The following MARCHF1 variants were observed in gnomAD, a reference collection of about 807,000 sequenced individuals.
The protein encoded by MARCHF1 is membrane associated ring-CH-type finger 1, also known as E3 ubiquitin-protein ligase MARCHF1.
In MARCHF1, 40 loss-of-function variants were observed where a neutral mutation model predicts 54.2. The ratio of observed to expected loss-of-function variants is 0.74; its 90% CI spans 0.57 to 0.96. The LOEUF is 0.96. MARCHF1 is among the 40% of genes least tolerant of loss of function. The pLI is 0.00. For missense variants in MARCHF1, 586 were observed against 656.5 expected (o/e 0.89, Z 1.17); for synonymous variants, 236 against 236.3 (o/e 1.00, Z 0.01).
At position 164,304,592 on chromosome 4, in the gene MARCHF1, G is replaced by A. The variant is rs1310611959; in HGVS notation, c.-323+79278C>T. Among the ~76,000 whole-genome samples, 3 of 152,270 alleles carry A rather than the reference G, an allele frequency of 2.0e-5. No individual in the cohort carries two copies. In the East Asian group the frequency reaches 5.8e-4, roughly 29 times the overall value. On this transcript the variant is annotated intron_variant, in intron 1 of 9. Transcript: ENST00000514618. The stretch of plus-strand genomic sequence containing the variant: ...GTACCTAGCCCGAATTTCAAGTGTT[G>A]AGTTGCTCTGGCAGAAATACCTTAT...
At chr4:163,976,680 A>G (rs1268845741) in intron 3 of MARCHF1, among the ~76,000 whole-genome samples, 3 of 152,160 alleles carry the variant, frequency 2.0e-5, no homozygotes, top group Non-Finnish European at 4.4e-5. Context: ...CATTTAGAAC[A>G]ATGAGTCCCA....
intron 1 of MARCHF1, among the ~76,000 whole-genome samples, chr4:164,212,545 G>A (rs1312825211): frequency 6.6e-6 from 1 of 152,078 alleles, no homozygotes; most frequent in East Asian, 1.9e-4. Context: ...AGATGTGTTT[G>A]TTTCAACATT....
chr4:164,259,414 T>G (rs1382674047), intron 1 of MARCHF1, among the ~76,000 whole-genome samples: 2 of 150,966 alleles, frequency 1.3e-5, no homozygotes. Flanking sequence ...GGTAGTGGTG[T>G]GCACCTGTAA....
At chr4:163,671,863 G>A (rs1327519462) in intron 5 of MARCHF1, among the ~76,000 whole-genome samples, 1 of 151,896 alleles carries the variant, frequency 6.6e-6, no homozygotes, top group Non-Finnish European at 1.5e-5. Context: ...AAGAGAACAG[G>A]AAGTATGTTC....
At chr4:163,548,982 C>T (rs113191287) in intron 8 of MARCHF1, among the ~76,000 whole-genome samples, 5 of 152,314 alleles carry the variant, frequency 3.3e-5, no homozygotes, top group African/African-American at 1.2e-4. Context: ...CATTTCTGCT[C>T]CCCTGTCCTG....
chr4:163,767,098 T>TAAAAAAAAA (rs530799338), intron 4 of MARCHF1, among the ~76,000 whole-genome samples: 40 of 106,678 alleles, frequency 3.7e-4, no homozygotes, highest in East Asian at 8.3e-4. Flanking sequence ...TACGGCGATG[T>TAAAAAAAAA]AAAAAAAAAA....
chr4:163,693,741 T>A (rs1554005360), intron 5 of MARCHF1, among the ~76,000 whole-genome samples: 1 of 143,146 alleles, frequency 7.0e-6, no homozygotes, highest in Non-Finnish European at 1.5e-5. Flanking sequence ...CTATCCCTCA[T>A]GAGCTTAATA....
At chr4:163,826,461 T>A (rs1748849643) in intron 4 of MARCHF1, among the ~76,000 whole-genome samples, 1 of 152,110 alleles carries the variant, frequency 6.6e-6, no homozygotes, top group Non-Finnish European at 1.5e-5. Flanking sequence ...TTCATAGTTA[T>A]GAACATAAAT....
At chr4:164,062,673 C>A (rs1041911297) in intron 2 of MARCHF1, among the ~76,000 whole-genome samples, 1 of 151,956 alleles carries the variant, frequency 6.6e-6, no homozygotes, top group Non-Finnish European at 1.5e-5. Flanking sequence ...TACAGGCACC[C>A]GCCACCATGC....
At chr4:164,150,648 G>A (rs1245441343) in intron 1 of MARCHF1, among the ~76,000 whole-genome samples, 1 of 152,120 alleles carries the variant, frequency 6.6e-6, no homozygotes, top group African/African-American at 2.4e-5. Flanking sequence ...TAAACAAAGT[G>A]TCGATTCTCT....
At chr4:164,137,734 T>G (rs1756432354) in intron 1 of MARCHF1, among the ~76,000 whole-genome samples, 1 of 152,344 alleles carries the variant, frequency 6.6e-6, no homozygotes, top group Admixed American at 6.5e-5. Context: ...AATTCCAGTA[T>G]TATATCATTA....
chr4:163,670,388 GTCTATCTA>G (rs74831110), intron 5 of MARCHF1, among the ~76,000 whole-genome samples: 7,684 of 150,066 alleles, frequency 0.051, 613 homozygotes, highest in African/African-American at 0.18. Flanking sequence ...CTATCTGTCT[GTCTATCTA>G]TCTATCTATC....
rs552071162 is a variant in MARCHF1, at chr4:164,075,864, A to G, written c.-248+35724T>C. On this transcript the variant is annotated intron_variant, in intron 2 of 9. Coordinates refer to ENST00000514618, the MANE Select transcript of MARCHF1 (RefSeq NM_001394959.1). ...GCATGAACTGAACCTATCTCCCTCTAGACACATATGCATATAGGAGCCTAT... is the reference window on the plus strand; with the variant it reads ...GCATGAACTGAACCTATCTCCCTCTGGACACATATGCATATAGGAGCCTAT... Among the ~76,000 whole-genome samples the G allele has an allele frequency of 3.9e-5, 6 of 152,264 alleles. No individual in the cohort carries two copies. In the East Asian group the frequency reaches 1.2e-3, roughly 29 times the overall value.
chr4:164,273,100 C>T (rs1733783358), intron 1 of MARCHF1, among the ~76,000 whole-genome samples: 2 of 148,062 alleles, frequency 1.4e-5, no homozygotes, highest in African/African-American at 5.0e-5. Flanking sequence ...GTGTATTTGT[C>T]TGTTTTCATA....
At chr4:164,252,918 T>C (rs1482753941) in intron 1 of MARCHF1, among the ~76,000 whole-genome samples, 1 of 152,144 alleles carries the variant, frequency 6.6e-6, no homozygotes, top group African/African-American at 2.4e-5. Flanking sequence ...ATGTCAGTGA[T>C]AATGTAAATT....
chr4:163,638,698 A>G (rs182468694), intron 5 of MARCHF1, among the ~76,000 whole-genome samples: 3 of 152,326 alleles, frequency 2.0e-5, no homozygotes, highest in East Asian at 3.9e-4. Flanking sequence ...AGGATCTCTA[A>G]TAGATATTTG....
At chr4:164,152,833 C>T (rs1729976997) in intron 1 of MARCHF1, among the ~76,000 whole-genome samples, 1 of 152,158 alleles carries the variant, frequency 6.6e-6, no homozygotes, top group African/African-American at 2.4e-5. Context: ...CAAACTCAAC[C>T]AATTGTCAAC....
At chr4:163,617,713 T>C (rs1008995612) in intron 5 of MARCHF1, among the ~76,000 whole-genome samples, 3 of 152,108 alleles carry the variant, frequency 2.0e-5, no homozygotes, top group African/African-American at 7.2e-5. Context: ...GAACTCTCTA[T>C]ATAGCAGGCA....
At chr4:164,268,425 C>A (rs746049994) in intron 1 of MARCHF1, among the ~76,000 whole-genome samples, 10 of 152,212 alleles carry the variant, frequency 6.6e-5, no homozygotes, top group Non-Finnish European at 1.5e-4. Context: ...TTAGACATAG[C>A]AGGTTTGACA....
Sources: allele counts gnomAD v4.1 joint callset (sites outside exome capture counted in the v4.1 genomes callset), GRCh38; gene constraint gnomAD v4.1.1; transcripts MANE v1.5; gene names NCBI Gene and HGNC (gene_info 2026-07-23, HGNC 2026-07-21).